TCF12: variants seen among roughly 807,000 people sequenced by gnomAD.
TCF12 encodes the protein transcription factor 12, also known as DNA-binding protein HTF4.
TCF12 carries 45 observed loss-of-function variants against 86.0 expected under a neutral mutation model. The ratio of observed to expected loss-of-function variants is 0.52; its 90% CI spans 0.41 to 0.67. The LOEUF (loss-of-function observed/expected upper bound fraction) is 0.67. TCF12 is among the 30% of genes least tolerant of loss of function. The pLI, the probability that TCF12 is intolerant of heterozygous loss-of-function variation, is 0.00. For synonymous variants in TCF12, 330 were observed against 299.6 expected, an observed-to-expected ratio of 1.10 and a Z score of -1.05; for missense variants, 881 against 859.9, an observed-to-expected ratio of 1.02 and a Z score of -0.31.
rs2059183537 is a variant in TCF12, at chr15:57,232,521, A to G, written c.825+91A>G. 4.0e-6 allele frequency: 6 copies of G among 1,508,664 alleles called. No homozygotes were observed. In the East Asian group the frequency reaches 1.4e-4, roughly 35 times the overall value. 93.5% of individuals were successfully genotyped at this position (1,508,664 alleles called of 1,614,324 possible). The stretch of plus-strand genomic sequence containing the variant: ...AGAAGTGTAAAATCTAAGTCTGCCA[A>G]AACTTCTGAAGTTTGAAGTACTTCA... On this transcript the variant is annotated intron_variant, in intron 10 of 20. Transcript: ENST00000333725.
At chr15:56,961,490 C>T (rs867187821) in intron 3 of TCF12, among the ~76,000 whole-genome samples, 1 of 152,188 alleles carries the variant, frequency 6.6e-6, no homozygotes, top group Non-Finnish European at 1.5e-5. Context: ...ACGATATAGT[C>T]CAGTATCTAG....
chr15:56,955,331 C>A (rs181109824), intron 3 of TCF12, among the ~76,000 whole-genome samples: 1 of 151,768 alleles, frequency 6.6e-6, no homozygotes, highest in Non-Finnish European at 1.5e-5. Flanking sequence ...TGTTCTCACT[C>A]ATAGGTGGGA....
At chr15:56,965,151 A>G (rs1335396792) in intron 3 of TCF12, among the ~76,000 whole-genome samples, 7 of 152,286 alleles carry the variant, frequency 4.6e-5, no homozygotes, top group Admixed American at 4.6e-4. Context: ...CTTTCTTGAG[A>G]ATGGGACATA....
At chr15:56,983,304 G>GGCTT (rs1314788898) in intron 3 of TCF12, among the ~76,000 whole-genome samples, 1 of 152,050 alleles carries the variant, frequency 6.6e-6, no homozygotes, top group Non-Finnish European at 1.5e-5. Flanking sequence ...GCCTTATTGT[G>GGCTT]GCTTGTTTGC....
At chr15:57,029,239 A>AT (rs1220827043) in intron 3 of TCF12, among the ~76,000 whole-genome samples, 39 of 147,392 alleles carry the variant, frequency 2.6e-4, no homozygotes, top group Middle Eastern at 3.5e-3. Flanking sequence ...TCTTCATTGA[A>AT]TTTTTTTTTT....
intron 3 of TCF12, among the ~76,000 whole-genome samples, chr15:56,938,554 G>T (rs757308239): frequency 6.6e-6 from 1 of 151,234 alleles, no homozygotes; most frequent in Non-Finnish European, 1.5e-5. Flanking sequence ...CTCTTTCTCT[G>T]TCTTATGGAA....
At chr15:57,245,066 A>G (rs1169040275) in intron 13 of TCF12, among the ~76,000 whole-genome samples, 1 of 152,346 alleles carries the variant, frequency 6.6e-6, no homozygotes, top group East Asian at 1.9e-4. Flanking sequence ...CTCCAACAAC[A>G]GTTGGGGAAA....
chr15:57,261,095 G>A (rs1285879885), intron 16 of TCF12, among the ~76,000 whole-genome samples: 1 of 152,130 alleles, frequency 6.6e-6, no homozygotes, highest in Non-Finnish European at 1.5e-5. Flanking sequence ...GAGAAAGGGT[G>A]TAGTGGAGGC....
At chr15:57,254,361 A>C (rs960472976) in intron 16 of TCF12, among the ~76,000 whole-genome samples, 4 of 152,186 alleles carry the variant, frequency 2.6e-5, no homozygotes, top group Non-Finnish European at 4.4e-5. Flanking sequence ...ACATACATAC[A>C]CTCATTTTTG....
At chr15:57,276,389 A>G (rs1267421088) in intron 19 of TCF12, among the ~76,000 whole-genome samples, 1 of 152,256 alleles carries the variant, frequency 6.6e-6, no homozygotes, top group African/African-American at 2.4e-5. Context: ...ATAAATAAAA[A>G]TGATATTCAT....
intron 6 of TCF12, among the ~76,000 whole-genome samples, chr15:57,190,433 C>G (rs1378794074): frequency 2.0e-5 from 3 of 152,052 alleles, no homozygotes; most frequent in Non-Finnish European, 2.9e-5. Context: ...GAAACAACTA[C>G]TTTTTAAGAG....
intron 3 of TCF12, among the ~76,000 whole-genome samples, chr15:56,939,064 C>G (rs901691210): frequency 6.6e-6 from 1 of 152,182 alleles, no homozygotes; most frequent in South Asian, 2.1e-4. Context: ...CCTCCTACTT[C>G]CAGTTATTCT....
At chr15:57,234,920 A>T (rs1402775736) in intron 12 of TCF12, among the ~76,000 whole-genome samples, 1 of 152,168 alleles carries the variant, frequency 6.6e-6, no homozygotes, top group Non-Finnish European at 1.5e-5. Flanking sequence ...TTTTCTATGA[A>T]GTGCAATTAA....
At chr15:57,208,033 C>CTTTTTT (rs201258233) in intron 8 of TCF12, among the ~76,000 whole-genome samples, 10 of 137,104 alleles carry the variant, frequency 7.3e-5, no homozygotes, top group Non-Finnish European at 1.4e-4. Flanking sequence ...CTTCAAGATT[C>CTTTTTT]TTTTTTTTTT....
At chr15:57,027,791 C>G (rs2065907765) in intron 3 of TCF12, among the ~76,000 whole-genome samples, 1 of 152,018 alleles carries the variant, frequency 6.6e-6, no homozygotes, top group Non-Finnish European at 1.5e-5. Flanking sequence ...CCTTACTGTT[C>G]TCATGATAGT....
At chr15:57,252,629 A>C (rs1329035648) in intron 15 of TCF12, 137 bp downstream of exon 15, 2 of 687,558 alleles carry the variant, frequency 2.9e-6, no homozygotes, top group Non-Finnish European at 4.8e-6. Context: ...TTATCACAGT[A>C]TATAGGAATA....
chr15:57,182,730 G>A (rs758978978), intron 6 of TCF12, among the ~76,000 whole-genome samples: 1 of 151,980 alleles, frequency 6.6e-6, no homozygotes, highest in Non-Finnish European at 1.5e-5. Flanking sequence ...TGAGGAAAAA[G>A]GTTTATCAAC....
intron 3 of TCF12, among the ~76,000 whole-genome samples, chr15:56,939,818 C>T (rs903686103): frequency 2.0e-4 from 30 of 152,186 alleles, no homozygotes; most frequent in African/African-American, 7.0e-4. Context: ...GAGAATGTTC[C>T]CTTGTGTTCT....
intron 3 of TCF12, among the ~76,000 whole-genome samples, chr15:56,925,742 A>G (rs1310513459): frequency 2.6e-5 from 4 of 152,236 alleles, no homozygotes; most frequent in African/African-American, 9.6e-5. Flanking sequence ...CCTTTTTAAA[A>G]GATCATTTAA....
Sources: gnomAD v4.1 joint callset for allele counts (sites outside exome capture counted in the v4.1 genomes callset) on GRCh38, gnomAD v4.1.1 for gene constraint, MANE v1.5 for transcripts, NCBI Gene and HGNC (gene_info 2026-07-23, HGNC 2026-07-21) for gene names.